COMMD7: variants seen among roughly 807,000 people sequenced by gnomAD.
COMMD7 encodes COMM domain containing 7.
Under a neutral mutation model 34.8 loss-of-function variants are expected in COMMD7, and 28 were observed. The observed-to-expected ratio is 0.80, with a 90% CI of 0.60 to 1.10. COMMD7 has a LOEUF of 1.10. Ranked by LOEUF, COMMD7 falls within the 50% of genes least tolerant of loss-of-function variation. COMMD7 has a pLI of 0.00. For synonymous variants in COMMD7, 80 were observed against 86.4 expected, an observed-to-expected ratio of 0.93 and a Z score of 0.41; for missense variants, 211 against 241.6, an observed-to-expected ratio of 0.87 and a Z score of 0.84.
intron 1 of COMMD7, among the ~76,000 whole-genome samples, chr20:32,741,247 C>T (rs369410448): frequency 1.3e-5 from 2 of 152,122 alleles, no homozygotes; most frequent in East Asian, 3.9e-4. Flanking sequence ...CACTATGCTG[C>T]CCAGGCTGGA....
intron 1 of COMMD7, among the ~76,000 whole-genome samples, chr20:32,729,882 G>C (rs896684058): frequency 1.3e-5 from 2 of 151,884 alleles, no homozygotes; most frequent in African/African-American, 4.8e-5. Context: ...GCGTGGTGGC[G>C]TGTACTTGTA....
chr20:32,706,902 A>G (rs1186651261), intron 3 of COMMD7, 142 bp from the exon 4 acceptor site: 3 of 642,588 alleles, frequency 4.7e-6, no homozygotes, highest in Admixed American at 5.3e-5. Flanking sequence ...CAATCCAGCC[A>G]TGGGGAAATA....
At chr20:32,738,612 G>A (rs956760141) in intron 1 of COMMD7, among the ~76,000 whole-genome samples, 6 of 152,122 alleles carry the variant, frequency 3.9e-5, no homozygotes, top group Admixed American at 3.9e-4. Flanking sequence ...CCTAGAGATG[G>A]GGTCTTGCTA....
intron 1 of COMMD7, among the ~76,000 whole-genome samples, chr20:32,731,508 C>T (rs976937098): frequency 4.0e-5 from 6 of 151,850 alleles, no homozygotes; most frequent in African/African-American, 1.5e-4. Context: ...ATCCCTCGTC[C>T]CTATCTCTCC....
intron 5 of COMMD7, among the ~76,000 whole-genome samples, chr20:32,706,307 T>C (rs1316511564): frequency 1.3e-5 from 2 of 149,160 alleles, no homozygotes; most frequent in Admixed American, 1.3e-4. Flanking sequence ...ATGTCAGGAG[T>C]TCGAGACCAG....
intron 1 of COMMD7, among the ~76,000 whole-genome samples, chr20:32,729,469 AGGGCTG>A (rs1213594152): frequency 9.2e-5 from 14 of 151,970 alleles, no homozygotes; most frequent in Non-Finnish European, 1.9e-4. Flanking sequence ...TGCCCAGCCT[AGGGCTG>A]GGGCCCTTAT....
intron 3 of COMMD7, among the ~76,000 whole-genome samples, chr20:32,712,750 C>CT (rs568295381): frequency 1.6e-3 from 167 of 102,470 alleles, no homozygotes; most frequent in Admixed American, 2.0e-3. Flanking sequence ...GACACGGAGA[C>CT]TTTTTTTTTT....
chr20:32,729,523 G>A (rs1458170619), intron 1 of COMMD7, among the ~76,000 whole-genome samples: 4 of 151,714 alleles, frequency 2.6e-5, no homozygotes, highest in South Asian at 4.2e-4. Flanking sequence ...GCTCACGCCT[G>A]TAATCCCAGC....
intron 1 of COMMD7, among the ~76,000 whole-genome samples, chr20:32,742,868 C>G (rs531044913): frequency 6.6e-6 from 1 of 152,244 alleles, no homozygotes; most frequent in East Asian, 1.9e-4. Flanking sequence ...TCCTCGGCCT[C>G]CCTGCCAAAC....
chr20:32,728,960 T>A (rs6058833), intron 1 of COMMD7, among the ~76,000 whole-genome samples: 8 of 151,918 alleles, frequency 5.3e-5, no homozygotes, highest in African/African-American at 1.5e-4. Flanking sequence ...TAGAACAGAC[T>A]CTTACAGTTT....
At chr20:32,737,597 G>A (rs1192060437) in intron 1 of COMMD7, among the ~76,000 whole-genome samples, 1 of 137,652 alleles carries the variant, frequency 7.3e-6, no homozygotes, top group Admixed American at 7.2e-5. Context: ...GGGAGGCTGA[G>A]GTGGGAGGAT....
At chr20:32,725,147 A>C (rs1334864630) in intron 3 of COMMD7, among the ~76,000 whole-genome samples, 2 of 151,752 alleles carry the variant, frequency 1.3e-5, no homozygotes, top group Non-Finnish European at 2.9e-5. Flanking sequence ...AAAAGGAGAT[A>C]TATTCAGTCT....
At chr20:32,711,257 C>T (rs1020040132) in intron 3 of COMMD7, among the ~76,000 whole-genome samples, 3 of 151,440 alleles carry the variant, frequency 2.0e-5, no homozygotes, top group East Asian at 2.0e-4. Context: ...ATTAGCTGGG[C>T]GTGGTGGCAC....
At chr20:32,727,430 G>T (rs765541423) in intron 3 of COMMD7, among the ~76,000 whole-genome samples, 1 of 151,254 alleles carries the variant, frequency 6.6e-6, no homozygotes, top group Non-Finnish European at 1.5e-5. Context: ...CCAGCTACTC[G>T]GGAAGCTGAG....
At chr20:32,742,555 G>T (rs139369350) in intron 1 of COMMD7, 2 of 152,146 alleles carry the variant, frequency 1.3e-5, no homozygotes, top group Admixed American at 1.3e-4. Context: ...GCCTTGGTTG[G>T]CACCTGCAGC....
rs759474343 is a variant in COMMD7 at position 32,721,930 on chromosome 20, A to G, written c.241+5963T>C. 3.3e-5 allele frequency among the ~76,000 whole-genome samples: 5 copies of G among 149,380 alleles called. No individual in the cohort carries two copies. In the East Asian group the frequency reaches 5.9e-4, roughly 18 times the overall value. On this transcript the variant is annotated intron_variant, in intron 3 of 8. Transcript: ENST00000278980. ...AAAAAAATTAGCCGAGTGTGGTGGC[A>G]TGCATCTGTAGTCCCAGCTATTTGG...
intron 3 of COMMD7, among the ~76,000 whole-genome samples, chr20:32,725,977 C>G (rs980410766): frequency 1.4e-5 from 2 of 146,578 alleles, no homozygotes; most frequent in African/African-American, 5.1e-5. Flanking sequence ...ACGGGAGGAT[C>G]ACTTAAGCCC....
chr20:32,727,787 C>G (rs1471789044), intron 3 of COMMD7, 106 bp downstream of exon 3: 10 of 915,874 alleles, frequency 1.1e-5, no homozygotes, highest in Middle Eastern at 2.9e-4. Flanking sequence ...TGGCTCATTA[C>G]CAAACGCTCT....
chr20:32,717,753 T>C (rs1945892472), intron 3 of COMMD7, among the ~76,000 whole-genome samples: 1 of 152,110 alleles, frequency 6.6e-6, no homozygotes, highest in Non-Finnish European at 1.5e-5. Flanking sequence ...TGAGTCATTG[T>C]GCCTGGCTGA....
Sources: gnomAD v4.1 joint callset for allele counts (sites outside exome capture counted in the v4.1 genomes callset) on GRCh38, gnomAD v4.1.1 for gene constraint, MANE v1.5 for transcripts, NCBI Gene and HGNC (gene_info 2026-07-23, HGNC 2026-07-21) for gene names.